Variants in AGBL4 observed in about 807,000 individuals in gnomAD.
AGBL4 encodes AGBL carboxypeptidase 4.
Under a neutral mutation model 66.4 loss-of-function variants are expected in AGBL4, and 58 were observed. That is an observed-to-expected ratio of 0.87 (90% CI 0.71 to 1.09). AGBL4 has a LOEUF of 1.09. Ranked by LOEUF, AGBL4 falls within the 50% of genes least tolerant of loss-of-function variation. The probability of loss-of-function intolerance (pLI) is 0.00; values close to 1 mark genes in which losing one functional copy is unlikely to be tolerated. For missense variants in AGBL4, 579 were observed against 631.0 expected (o/e 0.92, Z 0.88); for synonymous variants, 234 against 222.9 (o/e 1.05, Z -0.44).
At chr1:49,435,847 C>T (rs1301986485) in intron 3 of AGBL4, among the ~76,000 whole-genome samples, 1 of 152,124 alleles carries the variant, frequency 6.6e-6, no homozygotes, top group Non-Finnish European at 1.5e-5. Flanking sequence ...TAAGTTCCCC[C>T]AATTCACCAC....
chr1:48,647,241 G>A (rs957524919), intron 8 of AGBL4, among the ~76,000 whole-genome samples: 4 of 152,118 alleles, frequency 2.6e-5, no homozygotes, highest in South Asian at 2.1e-4. Context: ...ATAGAGGTCC[G>A]TTCCTCCCCA....
intron 5 of AGBL4, among the ~76,000 whole-genome samples, chr1:48,891,813 A>T (rs1484872670): frequency 1.3e-5 from 2 of 152,164 alleles, no homozygotes; most frequent in African/African-American, 2.4e-5. Flanking sequence ...AAATGGCAGA[A>T]CTAGGCCTTT....
At chr1:48,764,510 A>G (rs1277557210) in intron 6 of AGBL4, among the ~76,000 whole-genome samples, 1 of 152,204 alleles carries the variant, frequency 6.6e-6, no homozygotes, top group Non-Finnish European at 1.5e-5. Flanking sequence ...TTGGATCAAA[A>G]TGGTTATGAA....
At chr1:49,478,871 A>T (rs1570816548) in intron 3 of AGBL4, among the ~76,000 whole-genome samples, 1 of 136,274 alleles carries the variant, frequency 7.3e-6, no homozygotes, top group East Asian at 3.6e-4. Flanking sequence ...AGTTTTTATT[A>T]ATTTTCTTTT....
chr1:49,444,012 C>T (rs1056443124), intron 3 of AGBL4, among the ~76,000 whole-genome samples: 2 of 151,550 alleles, frequency 1.3e-5, no homozygotes, highest in Admixed American at 1.3e-4. Flanking sequence ...ATTTTAATTT[C>T]TTCATTGAAC....
intron 2 of AGBL4, among the ~76,000 whole-genome samples, chr1:49,843,717 T>C (rs1483508547): frequency 6.6e-6 from 1 of 152,232 alleles, no homozygotes; most frequent in East Asian, 1.9e-4. Flanking sequence ...ATGGTTAAGA[T>C]GTGGGCATCT....
At chr1:48,556,216 C>T (rs1644319018) in intron 11 of AGBL4, among the ~76,000 whole-genome samples, 1 of 152,112 alleles carries the variant, frequency 6.6e-6, no homozygotes. Flanking sequence ...CCTTAAACTC[C>T]CCATGAGGCC....
chr1:49,554,459 A>AT (rs971041625), intron 3 of AGBL4, among the ~76,000 whole-genome samples: 2 of 152,152 alleles, frequency 1.3e-5, no homozygotes, highest in African/African-American at 4.8e-5. Flanking sequence ...AATTGAAACC[A>AT]TTTTTTTAGC....
At chr1:49,429,477 T>C (rs1645735926) in intron 3 of AGBL4, among the ~76,000 whole-genome samples, 1 of 152,196 alleles carries the variant, frequency 6.6e-6, no homozygotes, top group Non-Finnish European at 1.5e-5. Context: ...AATATAAATC[T>C]ACCCTTATTT....
intron 11 of AGBL4, among the ~76,000 whole-genome samples, chr1:48,554,004 A>T (rs1369535012): frequency 1.3e-5 from 2 of 152,218 alleles, no homozygotes; most frequent in Non-Finnish European, 1.5e-5. Context: ...GTCAAAGAAC[A>T]GTGCAGCAAA....
intron 2 of AGBL4, among the ~76,000 whole-genome samples, chr1:49,766,232 A>G (rs1400003824): frequency 6.6e-6 from 1 of 152,184 alleles, no homozygotes; most frequent in Non-Finnish European, 1.5e-5. Flanking sequence ...TTCAGCTAAC[A>G]GTGGACATCT....
intron 1 of AGBL4, among the ~76,000 whole-genome samples, chr1:49,922,611 CA>C (rs1308326572): frequency 3.3e-5 from 5 of 152,070 alleles, no homozygotes; most frequent in Non-Finnish European, 5.9e-5. Context: ...CAAAATCTTA[CA>C]ATATTTTATA....
chr1:49,819,832 G>A (rs1448509006), intron 2 of AGBL4, among the ~76,000 whole-genome samples: 1 of 152,200 alleles, frequency 6.6e-6, no homozygotes, highest in African/African-American at 2.4e-5. Context: ...GATTATGCTA[G>A]TAGAAAGAGC....
rs573604494 is a variant in AGBL4 at position 49,591,071 on chromosome 1, A to G, written c.282+106242T>C. 2.6e-4 allele frequency among the ~76,000 whole-genome samples: 39 copies of G among 152,224 alleles called. No individual in the cohort carries two copies. In the East Asian group the frequency reaches 6.7e-3, roughly 26 times the overall value. ...TCTGAAACAAATAAAATCGTCTAAAATCAATAACTTTCATACCTTAAGCTT... is the reference window on the plus strand; with the variant it reads ...TCTGAAACAAATAAAATCGTCTAAAGTCAATAACTTTCATACCTTAAGCTT... On this transcript the variant is annotated intron_variant, in intron 3 of 13. Coordinates refer to ENST00000371839, the MANE Select transcript of AGBL4 (RefSeq NM_032785.4).
At chr1:48,956,566 AGAG>A (rs1348352614) in intron 5 of AGBL4, among the ~76,000 whole-genome samples, 1 of 152,196 alleles carries the variant, frequency 6.6e-6, no homozygotes, top group Non-Finnish European at 1.5e-5. Flanking sequence ...AGGGAGACTC[AGAG>A]GTTACAAGTA....
intron 6 of AGBL4, among the ~76,000 whole-genome samples, chr1:48,790,742 A>G (rs1645529859): frequency 6.6e-6 from 1 of 152,128 alleles, no homozygotes; most frequent in African/African-American, 2.4e-5. Context: ...GAATGAATTA[A>G]TATCATTATC....
chr1:49,147,835 G>T (rs983039239), intron 4 of AGBL4, among the ~76,000 whole-genome samples: 1 of 151,136 alleles, frequency 6.6e-6, no homozygotes, highest in Non-Finnish European at 1.5e-5. Context: ...GGAAGGAGAG[G>T]GGGGGTGACA....
intron 3 of AGBL4, among the ~76,000 whole-genome samples, chr1:49,370,300 A>G (rs977938422): frequency 6.6e-6 from 1 of 151,858 alleles, no homozygotes; most frequent in Non-Finnish European, 1.5e-5. Context: ...TAAAATATAC[A>G]GGGCAGGCCA....
chr1:49,426,431 T>C (rs1645660581), intron 3 of AGBL4, among the ~76,000 whole-genome samples: 1 of 152,226 alleles, frequency 6.6e-6, no homozygotes, highest in Non-Finnish European at 1.5e-5. Flanking sequence ...TGAAATTTAC[T>C]GTTTGCTCCA....
Sources: allele counts gnomAD v4.1 joint callset (sites outside exome capture counted in the v4.1 genomes callset), GRCh38; gene constraint gnomAD v4.1.1; transcripts MANE v1.5; gene names NCBI Gene and HGNC (gene_info 2026-07-23, HGNC 2026-07-21).